Variants in TSPYL2 observed in about 807,000 individuals in gnomAD.
The protein encoded by TSPYL2 is testis-specific Y-encoded-like protein 2.
A neutral mutation model predicts 33.0 loss-of-function variants in TSPYL2; 9 were observed. The observed-to-expected ratio is 0.27, with a 90% CI of 0.16 to 0.48. TSPYL2 has a LOEUF of 0.48. Among genes scored for constraint, TSPYL2 ranks in the 20% least tolerant of loss-of-function variants. The pLI, the probability that TSPYL2 is intolerant of heterozygous loss-of-function variation, is 0.99. For missense variants in TSPYL2, 636 were observed against 586.2 expected (o/e 1.08, Z -0.88); for synonymous variants, 330 against 233.6 (o/e 1.41, Z -3.77).
chrX:53,088,072 GT>G lies in TSPYL2; in HGVS notation c.*136del, dbSNP rs1368599435. ...GACCGACTTCGTACACGGGTTTAAA[GT>G]TTATTTTTATGGTTTAGTCATTGCA... On this transcript the variant is annotated 3_prime_UTR_variant, in exon 7 of 7. Transcript: ENST00000375442. The G allele has an allele frequency of 3.4e-6, 2 of 585,756 alleles. No homozygotes were observed. The highest frequency in any genetic ancestry group is 2.3e-5 in the African/African-American group (1 of 43,647). The allele number at this position is 585,756 out of a possible 1,213,427, so 48.3% of individuals were successfully genotyped here.
Position 53,082,869 on chromosome X carries a change from C to CG in TSPYL2, c.378dup (p.Ser127GlufsTer24), listed in dbSNP as rs782157673. On this transcript the variant is annotated frameshift_variant, in exon 1 of 7. Transcript: ENST00000375442. LOFTEE classifies it high-confidence loss of function. ...GAAGCACTCCCCACTCCTGAGGCCT[C>CG]GGGGGGGAGCCTGGAAATCGATTTT... 6 of 1,209,019 alleles carry CG rather than the reference C, an allele frequency of 5.0e-6. No individual in the cohort carries two copies. The highest frequency in any genetic ancestry group is 1.1e-6 in the Non-Finnish European group (1 of 894,548).
Position 53,085,302 on chromosome X carries a change from A to G in TSPYL2, c.1219A>G (p.Lys407Glu), listed in dbSNP as rs782652162. The part of the protein sequence containing the change: ...RERGSRIKRK[K>E]QEMKKRKTRG... ...AAGGGGCTCCAGGATAAAGAGAAAG[A>G]AGCAAGAAATGAAGAAACGGTAATG... The change falls in exon 5 of 7, where the codon AAG (lysine) becomes GAG (glutamate). Residue 407 changes from lysine to glutamate, a missense_variant. This residue lies in a region of TSPYL2 where 401 missense variants were observed against 363.0 expected (regional missense o/e 1.10). Coordinates refer to ENST00000375442, the MANE Select transcript of TSPYL2 (RefSeq NM_022117.4). 8.3e-7 allele frequency: 1 copy of G among 1,208,010 alleles called. No individual in the cohort carries two copies. Among genetic ancestry groups the G allele is most frequent in the Admixed American group, 2.2e-5 (1 of 45,207 alleles).
chrX:53,085,718 C>T lies in TSPYL2; in HGVS notation c.1326C>T (p.Asp442=). The change falls in exon 6 of 7, where the codon GAC becomes GAT. Residue 442 remains aspartate (D), a synonymous_variant. Coordinates refer to ENST00000375442, the MANE Select transcript of TSPYL2 (RefSeq NM_022117.4). The part of the protein sequence containing the change: ...AVEDIFSEIS[D]IDETIHDIKI... Reference sequence around the variant, plus strand: ...AAGACATTTTCAGCGAGATCTCAGACATTGATGAGACAATTCATGACATCA... The same window carrying T: ...AAGACATTTTCAGCGAGATCTCAGATATTGATGAGACAATTCATGACATCA... 1 of 1,211,327 alleles carries T rather than the reference C, an allele frequency of 8.3e-7. No homozygotes were observed. The highest frequency in any genetic ancestry group is 1.1e-6 in the Non-Finnish European group (1 of 895,013).
At chrX:53,086,494 C>CA in intron 6 of TSPYL2, 184 bp downstream of exon 6, 1 of 467,620 alleles carries the variant, frequency 2.1e-6, no homozygotes, top group Admixed American at 4.0e-5. Flanking sequence ...AACAAAACCC[C>CA]AAAAAATCAT....
At position 53,086,059 on chromosome X, in the gene TSPYL2, A is replaced by G; in HGVS notation, c.1667A>G (p.Gln556Arg). 8.5e-7 allele frequency: 1 copy of G among 1,172,232 alleles called. No individual in the cohort carries two copies. Among genetic ancestry groups the G allele is most frequent in the East Asian group, 3.2e-5 (1 of 31,078 alleles). Residue 556 changes from glutamine to arginine, a missense_variant, in exon 6 of 7, where the codon CAG becomes CGG. By Grantham distance (43) the Gln-to-Arg change is conservative (BLOSUM62 1). Transcript: ENST00000375442. ...TTCTGGGGCAGCCATGGCAACAACC[A>G]GGACAGCAGCGACAGTGACAATGAA... is the stretch of plus-strand genomic sequence containing the variant. Reference protein sequence around the residue: ...GGFWGSHGNNQDSSDSDNEAD... With the variant: ...GGFWGSHGNNRDSSDSDNEAD...
intron 6 of TSPYL2, 47 bp from the exon 7 acceptor site, chrX:53,087,729 C>G (rs781860446): frequency 8.6e-7 from 1 of 1,160,735 alleles, no homozygotes; most frequent in Non-Finnish European, 1.2e-6. Flanking sequence ...ATCTGCTCAT[C>G]TAACTGCCTT....
intron 6 of TSPYL2, chrX:53,086,775 G>T: frequency 7.2e-6 from 1 of 138,727 alleles, no homozygotes; most frequent in Non-Finnish European, 1.4e-5. Context: ...GGGTGGGGGG[G>T]GTGGCGGGGG....
At chrX:53,087,670 C>A in intron 6 of TSPYL2, 106 bp from the exon 7 acceptor site, 1 of 884,335 alleles carries the variant, frequency 1.1e-6, no homozygotes, top group Non-Finnish European at 1.6e-6. Flanking sequence ...TTGTCCCAGG[C>A]CGCTAAAAAC....
At position 53,086,073 on chromosome X, in the gene TSPYL2, A is replaced by G. The variant is rs1556808575; in HGVS notation, c.1681A>G (p.Ser561Gly). ...SHGNNQDSSD[S>G]DNEADEASDD... ...TGGCAACAACCAGGACAGCAGCGAC[A>G]GTGACAATGAAGCAGATGAGGCCAG... is the stretch of plus-strand genomic sequence containing the variant. The change falls in exon 6 of 7, where the codon AGT (serine) becomes GGT (glycine). Residue 561 changes from serine to glycine, a missense_variant. By Grantham distance (56) the Ser-to-Gly change is moderately conservative. Around this residue, in one of 3 missense-constraint regions of TSPYL2, gnomAD observed 401 missense variants for 363.0 expected, o/e 1.10. Coordinates refer to ENST00000375442, the MANE Select transcript of TSPYL2 (RefSeq NM_022117.4). 8.5e-7 allele frequency: 1 copy of G among 1,172,613 alleles called. No homozygotes were observed. Among genetic ancestry groups the G allele is most frequent in the Non-Finnish European group, 1.1e-6 (1 of 875,599 alleles).
chrX:53,085,453 C>T (rs1932745366), intron 5 of TSPYL2, 132 bp downstream of exon 5: 1 of 759,674 alleles, frequency 1.3e-6, no homozygotes, highest in Non-Finnish European at 1.9e-6. Context: ...AGTGGGAAAT[C>T]ATGCCCAGAA....
In TSPYL2 at chrX:53,086,018, C is replaced by T. The variant is rs1556808540; in HGVS notation, c.1626C>T (p.Asn542=). 6.0e-6 allele frequency: 7 copies of T among 1,173,573 alleles called. No homozygotes were observed. The highest frequency in any genetic ancestry group is 8.0e-6 in the Non-Finnish European group (7 of 877,005). ...ACAACGAGAACACTTACGGCAACAA[C>T]TTCTTCAAAGGTGGCTTCTGGGGCA... ...PNNNENTYGN[N]FFKGGFWGSH... Residue 542 remains asparagine, a synonymous_variant, in exon 6 of 7, where the codon AAC becomes AAT. Transcript: ENST00000375442.
In TSPYL2 at chrX:53,085,851, G is replaced by A; in HGVS notation, c.1459G>A (p.Val487Ile). 1.7e-6 allele frequency: 2 copies of A among 1,210,841 alleles called. No individual in the cohort carries two copies. Among genetic ancestry groups the A allele is most frequent in the Non-Finnish European group, 2.2e-6 (2 of 895,287 alleles). The change falls in exon 6 of 7, where the codon GTC (valine) becomes ATC (isoleucine). Residue 487 changes from valine (V) to isoleucine (I), a missense_variant. Physicochemically the swap from Val to Ile is conservative, Grantham distance 29. Transcript: ENST00000375442. ...CDSENPDHNE[V>I]PNNETTDNNE... ...CAGCGAGAATCCTGACCACAATGAG[G>A]TCCCCAACAACGAGACCACTGATAA... is the stretch of plus-strand genomic sequence containing the variant.
At chrX:53,087,526 G>C in intron 6 of TSPYL2, 1 of 392,704 alleles carries the variant, frequency 2.5e-6, no homozygotes, top group Non-Finnish European at 4.5e-6. Context: ...TATCAGAGAT[G>C]TATCAGTTTT....
In TSPYL2 at chrX:53,082,395, C is replaced by A. The variant is rs1329411558; in HGVS notation, c.-104C>A. 6 of 787,492 alleles carry A rather than the reference C, an allele frequency of 7.6e-6. No individual in the cohort carries two copies. In the African/African-American group the frequency reaches 8.9e-5, roughly 12 times the overall value. The allele number at this position is 787,492 out of a possible 1,213,427, so 64.9% of individuals were successfully genotyped here. A position where few individuals can be genotyped will look rare whatever the true frequency, so the allele number is the denominator to read the frequency against. The stretch of plus-strand genomic sequence containing the variant: ...GCGAGGTGGTGAGGAGAGCTGGTTG[C>A]GTGAGTCTCCTCAGCTCTGCTTACC... On this transcript the variant is annotated 5_prime_UTR_variant, in exon 1 of 7. Transcript: ENST00000375442.
At chrX:53,086,513 T>C (rs1335255827) in intron 6 of TSPYL2, 1 of 449,694 alleles carries the variant, frequency 2.2e-6, no homozygotes. Flanking sequence ...ATTTTAGTTC[T>C]AGGTGATGGA....
At chrX:53,083,397 A>G in intron 1 of TSPYL2, 92 bp downstream of exon 1, 2 of 904,143 alleles carry the variant, frequency 2.2e-6, no homozygotes, top group Non-Finnish European at 3.1e-6. Context: ...CGGGTGGAGG[A>G]GAGCCAGAGG....
At chrX:53,083,707 G>C (rs1217686140) in intron 1 of TSPYL2, among the ~76,000 whole-genome samples, 1 of 111,182 alleles carries the variant, frequency 9.0e-6, no homozygotes, top group Admixed American at 9.5e-5. Flanking sequence ...CAGAGACCTT[G>C]AAGAGGGAGG....
At chrX:53,084,660 C>A in intron 2 of TSPYL2, 38 bp downstream of exon 2, 1 of 1,195,000 alleles carries the variant, frequency 8.4e-7, no homozygotes, top group Non-Finnish European at 1.1e-6. Context: ...GGATCGGGCA[C>A]GAATCTGGTT....
chrX:53,084,354 G>C (rs1337241365), intron 1 of TSPYL2, among the ~76,000 whole-genome samples, 191 bp from the exon 2 acceptor site: 1 of 111,934 alleles, frequency 8.9e-6, no homozygotes, highest in Admixed American at 9.4e-5. Flanking sequence ...ACCCTGTAGG[G>C]CCACCTAACA....
Sources: gnomAD v4.1 joint callset for allele counts (sites outside exome capture counted in the v4.1 genomes callset) on GRCh38, gnomAD v4.1.1 for gene constraint, gnomAD v4.1.1 regional missense constraint, MANE v1.5 for transcripts, NCBI Gene and HGNC (gene_info 2026-07-23, HGNC 2026-07-21) for gene names.